Variants in NAALADL2 observed in about 807,000 individuals in gnomAD.
NAALADL2 encodes the protein N-acetylated alpha-linked acidic dipeptidase like 2.
A neutral mutation model predicts 87.2 loss-of-function variants in NAALADL2; 76 were observed. The observed-to-expected ratio is 0.87, with a 90% CI of 0.72 to 1.05. The LOEUF is 1.05. Among genes scored for constraint, NAALADL2 ranks in the 50% least tolerant of loss-of-function variants. The pLI, the probability that NAALADL2 is intolerant of heterozygous loss-of-function variation, is 0.00. For missense variants in NAALADL2, 1,089 were observed against 945.8 expected, an observed-to-expected ratio of 1.15 and a Z score of -1.99; for synonymous variants, 354 against 331.0, an observed-to-expected ratio of 1.07 and a Z score of -0.75.
chr3:174,488,547 A>G (rs1167999481), intron 1 of NAALADL2, among the ~76,000 whole-genome samples: 1 of 152,050 alleles, frequency 6.6e-6, no homozygotes, highest in African/African-American at 2.4e-5. Context: ...AGTCCTTACT[A>G]AGGATGCAGT....
intron 2 of NAALADL2, among the ~76,000 whole-genome samples, chr3:174,649,739 G>C (rs1724164155): frequency 2.6e-5 from 4 of 152,096 alleles, no homozygotes; most frequent in Admixed American, 2.0e-4. Flanking sequence ...ACAGATGAAT[G>C]GAATATAACC....
chr3:175,497,844 T>C (rs1729019611), intron 9 of NAALADL2, among the ~76,000 whole-genome samples: 1 of 152,142 alleles, frequency 6.6e-6, no homozygotes, highest in Admixed American at 6.6e-5. Context: ...TTTCAGTTTG[T>C]TCCTCTATAA....
At chr3:174,724,889 G>T (rs1437195155) in intron 2 of NAALADL2, among the ~76,000 whole-genome samples, 4 of 152,098 alleles carry the variant, frequency 2.6e-5, no homozygotes, top group Non-Finnish European at 4.4e-5. Flanking sequence ...TGACAACTTT[G>T]AGAATTACTT....
In NAALADL2 at chr3:175,767,244, A is replaced by C. The variant is rs185794386; in HGVS notation, c.2189+11826A>C. ...AATAGGTCTATAAATATATAATCAT[A>C]CTTAGTTTAGATCAAGTTGGAAGTT... On this transcript the variant is annotated intron_variant, in intron 13 of 13. Transcript: ENST00000454872. Among the ~76,000 whole-genome samples the C allele has an allele frequency of 9.2e-3, 1,399 of 152,296 alleles. 13 individuals are homozygous for C. Among genetic ancestry groups the C allele is most frequent in the Non-Finnish European group, 0.015 (1,015 of 68,028 alleles).
intron 4 of NAALADL2, among the ~76,000 whole-genome samples, chr3:175,270,438 A>T (rs1196472064): frequency 6.6e-6 from 1 of 152,194 alleles, no homozygotes; most frequent in African/African-American, 2.4e-5. Context: ...TTTTTATCAG[A>T]TTACTGACAG....
At chr3:175,788,815 A>G (rs1029107180) in intron 13 of NAALADL2, among the ~76,000 whole-genome samples, 1 of 152,232 alleles carries the variant, frequency 6.6e-6, no homozygotes, top group Non-Finnish European at 1.5e-5. Flanking sequence ...ATTATCAAAC[A>G]TAATTATTTA....
Position 175,353,833 on chromosome 3 carries a change from GAGAA to G in NAALADL2, c.1090+29512_1090+29515del, listed in dbSNP as rs1338053810. Among the ~76,000 whole-genome samples the G allele has an allele frequency of 2.6e-5, 4 of 152,294 alleles. No homozygotes were observed. In the East Asian group the frequency reaches 7.7e-4, roughly 29 times the overall value. On this transcript the variant is annotated intron_variant, in intron 5 of 13. Transcript: ENST00000454872. ...ATAAAAATACTTTCAGTGTCTATGA[GAGAA>G]AGAGTCAAATGAAAACTAAAACTAC...
intron 1 of NAALADL2, among the ~76,000 whole-genome samples, chr3:174,447,540 G>A (rs945090487): frequency 2.0e-5 from 3 of 152,114 alleles, no homozygotes; most frequent in South Asian, 2.1e-4. Context: ...AAATTTGGCC[G>A]GGCGAGGTGG....
At chr3:174,980,870 T>A (rs1745021521) in intron 1 of NAALADL2, among the ~76,000 whole-genome samples, 1 of 152,194 alleles carries the variant, frequency 6.6e-6, no homozygotes, top group Non-Finnish European at 1.5e-5. Flanking sequence ...ACAGTTCTAA[T>A]TACATCTATT....
At chr3:175,170,402 T>C (rs1005827320) in intron 2 of NAALADL2, among the ~76,000 whole-genome samples, 2 of 148,208 alleles carry the variant, frequency 1.3e-5, no homozygotes, top group African/African-American at 4.9e-5. Flanking sequence ...AATGGAGCAA[T>C]AGGGTATGCC....
chr3:174,511,838 C>G (rs1397770182), intron 1 of NAALADL2, among the ~76,000 whole-genome samples: 1 of 151,814 alleles, frequency 6.6e-6, no homozygotes. Flanking sequence ...AGTGTTTACT[C>G]CAAAGTTGAC....
intron 5 of NAALADL2, among the ~76,000 whole-genome samples, chr3:175,334,373 C>T (rs1761761590): frequency 5.9e-5 from 9 of 152,088 alleles, no homozygotes; most frequent in Admixed American, 5.9e-4. Flanking sequence ...TCCCTCTTCC[C>T]TATTTGTAAC....
intron 9 of NAALADL2, among the ~76,000 whole-genome samples, chr3:175,552,545 A>C (rs1714592659): frequency 6.6e-6 from 1 of 152,154 alleles, no homozygotes. Flanking sequence ...TGTAGTTGTC[A>C]AAATCTGAAT....
At chr3:174,486,579 T>C (rs551442879) in intron 1 of NAALADL2, among the ~76,000 whole-genome samples, 2 of 152,144 alleles carry the variant, frequency 1.3e-5, no homozygotes, top group Admixed American at 6.6e-5. Flanking sequence ...TCTCCGCTTT[T>C]GGGGGCAGAA....
chr3:175,183,553 T>A (rs571600272), intron 2 of NAALADL2, among the ~76,000 whole-genome samples: 10 of 152,246 alleles, frequency 6.6e-5, no homozygotes, highest in African/African-American at 2.4e-4. Context: ...AAAAGGATAT[T>A]GGATTTTGTT....
At chr3:174,978,362 A>T (rs979040122) in intron 1 of NAALADL2, among the ~76,000 whole-genome samples, 1 of 152,366 alleles carries the variant, frequency 6.6e-6, no homozygotes, top group East Asian at 1.9e-4. Context: ...GCTTGAAGAA[A>T]GGCCTAGAGG....
Position 174,785,051 on chromosome 3 carries a change from G to A in NAALADL2, c.-9+47305G>A, listed in dbSNP as rs113658906. Among the ~76,000 whole-genome samples the A allele has an allele frequency of 1.1e-4, 16 of 151,082 alleles. 1 individual carries two copies. The highest frequency in any genetic ancestry group is 3.4e-4 in the African/African-American group (14 of 41,176). ...ATTTTATCTTTTATTTTAGATTCACGGGGTACATGTGCATGTTTGTTACAT... is the reference window on the plus strand; with the variant it reads ...ATTTTATCTTTTATTTTAGATTCACAGGGTACATGTGCATGTTTGTTACAT... On this transcript the variant is annotated intron_variant, in intron 3 of 3. Transcript: ENST00000434257.
intron 13 of NAALADL2, among the ~76,000 whole-genome samples, chr3:175,799,360 T>C (rs566631522): frequency 6.6e-6 from 1 of 152,232 alleles, no homozygotes; most frequent in South Asian, 2.1e-4. Context: ...ATATTTTTAA[T>C]CCATTTTTAT....
intron 2 of NAALADL2, among the ~76,000 whole-genome samples, chr3:175,129,105 ATT>A (rs59305146): frequency 0.33 from 48,838 of 149,224 alleles, 8,006 homozygotes; most frequent in East Asian, 0.45. Flanking sequence ...TGCCTGGCTA[ATT>A]TTTTTTTTTT....
Sources: gnomAD v4.1 joint callset for allele counts (sites outside exome capture counted in the v4.1 genomes callset) on GRCh38, gnomAD v4.1.1 for gene constraint, MANE v1.5 for transcripts, NCBI Gene and HGNC (gene_info 2026-07-23, HGNC 2026-07-21) for gene names.